Variants in HYCC2 observed in about 807,000 individuals in gnomAD.
The protein encoded by HYCC2 is hyccin 2.
At chr2:201,006,429 C>A in the HYCC2 span, among the ~76,000 whole-genome samples, 1 of 152,022 alleles carries the variant, frequency 6.6e-6, no homozygotes, top group East Asian at 1.9e-4. Context: ...GCATGAGCCG[C>A]ACCTGGCGAG....
At chr2:201,021,464 T>C in the HYCC2 span, 1 of 153,906 alleles carries the variant, frequency 6.5e-6, no homozygotes, top group East Asian at 1.9e-4. Flanking sequence ...GAATAGCTTT[T>C]TTAATGTAAT....
At chr2:200,979,508 A>T in the HYCC2 span, 1 of 152,154 alleles carries the variant, frequency 6.6e-6, no homozygotes, top group Non-Finnish European at 1.5e-5. Context: ...TACAATAAAA[A>T]CGGGAGGATT....
At chr2:201,060,101 G>C in the HYCC2 span, among the ~76,000 whole-genome samples, 868 of 151,160 alleles carry the variant, frequency 5.7e-3, 11 homozygotes, top group African/African-American at 0.02. Flanking sequence ...TTCTGGGGCA[G>C]GGAGTATGCC....
At chr2:201,025,551 G>A in the HYCC2 span, among the ~76,000 whole-genome samples, 1 of 152,192 alleles carries the variant, frequency 6.6e-6, no homozygotes, top group South Asian at 2.1e-4. Flanking sequence ...GAGCTTCTCT[G>A]AGGTGCTGCT....
chr2:201,069,469 T>C, the HYCC2 span, among the ~76,000 whole-genome samples: 1 of 151,720 alleles, frequency 6.6e-6, no homozygotes, highest in Non-Finnish European at 1.5e-5. Context: ...CATTCTACAA[T>C]GACACCTACT....
chr2:201,057,886 T>G, the HYCC2 span, among the ~76,000 whole-genome samples: 1 of 152,152 alleles, frequency 6.6e-6, no homozygotes, highest in Non-Finnish European at 1.5e-5. Flanking sequence ...AGACCAAAGA[T>G]ATGGATCTAT....
At chr2:200,986,247 G>C in the HYCC2 span, among the ~76,000 whole-genome samples, 1 of 152,182 alleles carries the variant, frequency 6.6e-6, no homozygotes, top group Non-Finnish European at 1.5e-5. Context: ...TGGGTAAATG[G>C]GCAAGGGAAC....
chr2:200,973,955 C>CA, the HYCC2 span: 2 of 152,058 alleles, frequency 1.3e-5, no homozygotes, highest in South Asian at 4.1e-4. Flanking sequence ...GACTACATTT[C>CA]ACATTTCAAC....
At chr2:201,066,186 G>C in the HYCC2 span, among the ~76,000 whole-genome samples, 1 of 151,350 alleles carries the variant, frequency 6.6e-6, no homozygotes, top group African/African-American at 2.4e-5. Flanking sequence ...CAATTTTCCT[G>C]CCTCAGCCAT....
At chr2:201,054,380 C>G in the HYCC2 span, among the ~76,000 whole-genome samples, 34 of 152,304 alleles carry the variant, frequency 2.2e-4, 1 homozygote, top group East Asian at 5.8e-4. Flanking sequence ...GAGAGTCAAT[C>G]TTGGAAATCA....
At chr2:201,063,439 A>G in the HYCC2 span, 4 of 1,590,612 alleles carry the variant, frequency 2.5e-6, no homozygotes, top group South Asian at 4.4e-5. Context: ...AAGACACTGA[A>G]GAACATCACC....
the HYCC2 span, among the ~76,000 whole-genome samples, chr2:201,070,609 G>C: frequency 6.6e-6 from 1 of 151,622 alleles, no homozygotes; most frequent in African/African-American, 2.4e-5. Flanking sequence ...CCGAGATCGC[G>C]CCATTGCACT....
the HYCC2 span, among the ~76,000 whole-genome samples, chr2:201,070,560 G>A: frequency 1.3e-5 from 2 of 152,044 alleles, no homozygotes; most frequent in African/African-American, 4.8e-5. Context: ...GCTGGGGCAG[G>A]AGAATGGCTT....
chr2:200,997,431 A>G, the HYCC2 span: 2 of 1,511,810 alleles, frequency 1.3e-6, no homozygotes, highest in Non-Finnish European at 9.2e-7. Flanking sequence ...ATTAGTAATA[A>G]TCACTCTTCT....
chr2:201,037,255 T>G, the HYCC2 span, among the ~76,000 whole-genome samples: 2 of 152,174 alleles, frequency 1.3e-5, no homozygotes, highest in African/African-American at 4.8e-5. Flanking sequence ...CATAAAAAAA[T>G]GGAAGAACAT....
chr2:201,001,399 A>C, the HYCC2 span, among the ~76,000 whole-genome samples: 1 of 152,248 alleles, frequency 6.6e-6, no homozygotes. Context: ...GAGCAGAGTT[A>C]TTCATAACAG....
At chr2:201,012,073 T>C in the HYCC2 span, among the ~76,000 whole-genome samples, 2 of 152,206 alleles carry the variant, frequency 1.3e-5, no homozygotes, top group Non-Finnish European at 1.5e-5. Flanking sequence ...ATCCCTTTTT[T>C]TTTAAATGGT....
At chr2:201,013,239 C>T in the HYCC2 span, among the ~76,000 whole-genome samples, 3 of 152,062 alleles carry the variant, frequency 2.0e-5, no homozygotes, top group African/African-American at 7.2e-5. Context: ...GAGGCTGAGG[C>T]AGGCAGTATC....
the HYCC2 span, among the ~76,000 whole-genome samples, chr2:201,000,679 T>C: frequency 2.2e-4 from 33 of 152,274 alleles, no homozygotes; most frequent in East Asian, 4.8e-3. Flanking sequence ...AAGTTAAGTG[T>C]TGAATTACCA....
Sources: allele counts gnomAD v4.1 joint callset (sites outside exome capture counted in the v4.1 genomes callset), GRCh38; gene constraint gnomAD v4.1.1; transcripts MANE v1.5; gene names NCBI Gene and HGNC (gene_info 2026-07-23, HGNC 2026-07-21).